The following SEMA6D variants were observed in gnomAD, a reference collection of about 807,000 sequenced individuals.
The protein encoded by SEMA6D is semaphorin-6D.
In SEMA6D, 35 loss-of-function variants were observed where a neutral mutation model predicts 106.6. That is an observed-to-expected ratio of 0.33 (90% CI 0.25 to 0.44). The LOEUF (loss-of-function observed/expected upper bound fraction) is 0.44. Among genes scored for constraint, SEMA6D ranks in the 20% least tolerant of loss-of-function variants. SEMA6D has a pLI of 1.00. For synonymous variants in SEMA6D, 499 were observed against 487.7 expected, an observed-to-expected ratio of 1.02 and a Z score of -0.31; for missense variants, 1,185 against 1,345.9, an observed-to-expected ratio of 0.88 and a Z score of 1.87.
At chr15:47,749,409 G>A (rs2081313086) in intron 1 of SEMA6D, among the ~76,000 whole-genome samples, 1 of 152,000 alleles carries the variant, frequency 6.6e-6, no homozygotes. Flanking sequence ...CAGGCGCAAG[G>A]GGTTTGGCTA....
intron 2 of SEMA6D, among the ~76,000 whole-genome samples, chr15:47,419,992 G>C (rs2041100182): frequency 6.6e-6 from 1 of 152,132 alleles, no homozygotes; most frequent in Non-Finnish European, 1.5e-5. Flanking sequence ...AGGGAAGAGA[G>C]TTATATGCAA....
chr15:47,228,614 A>G (rs1184330033), intron 1 of SEMA6D, among the ~76,000 whole-genome samples: 4 of 152,094 alleles, frequency 2.6e-5, no homozygotes, highest in Non-Finnish European at 5.9e-5. Flanking sequence ...TAGGGCTTTG[A>G]CATATTTGAG....
chr15:47,744,411 G>A (rs1350342752), intron 1 of SEMA6D, among the ~76,000 whole-genome samples: 1 of 152,118 alleles, frequency 6.6e-6, no homozygotes, highest in Admixed American at 6.5e-5. Context: ...CAGAGGTCCT[G>A]AGTGTATGTG....
rs576479149 is a variant in SEMA6D at position 47,460,257 on chromosome 15, C to G, written c.-158-10217C>G. ...GAGCTCAGTAAGAAGGAGTCAGTCT[C>G]ATTACTGCTTATCAGAAATTACTTT... On this transcript the variant is annotated intron_variant, in intron 2 of 19. Coordinates refer to the SEMA6D transcript ENST00000558014. Among the ~76,000 whole-genome samples, 84 of 152,182 alleles carry G rather than the reference C, an allele frequency of 5.5e-4. 1 individual carries two copies. The highest frequency in any genetic ancestry group is 2.2e-3 in the Admixed American group (34 of 15,276).
rs192449040 is a variant in SEMA6D, at chr15:47,735,626, T to G, written c.-55+17934T>G. Among the ~76,000 whole-genome samples the G allele has an allele frequency of 3.9e-5, 6 of 152,348 alleles. No individual in the cohort carries two copies. In the East Asian group the frequency reaches 1.2e-3, roughly 29 times the overall value. ...CATCATTTTTAGATACATCTTCAGTTCTGCTTGAAGCTGTCATTTACTTGA... is the reference window on the plus strand; with the variant it reads ...CATCATTTTTAGATACATCTTCAGTGCTGCTTGAAGCTGTCATTTACTTGA... On this transcript the variant is annotated intron_variant, in intron 1 of 18. Coordinates refer to ENST00000536845, the MANE Select transcript of SEMA6D (RefSeq NM_001358351.3).
chr15:47,298,362 A>G (rs1221966234), intron 1 of SEMA6D, among the ~76,000 whole-genome samples: 1 of 151,732 alleles, frequency 6.6e-6, no homozygotes, highest in Non-Finnish European at 1.5e-5. Flanking sequence ...CATTGAGCAT[A>G]CACACCTATA....
chr15:47,608,730 C>G (rs545615243), intron 4 of SEMA6D, among the ~76,000 whole-genome samples: 1 of 152,098 alleles, frequency 6.6e-6, no homozygotes, highest in Non-Finnish European at 1.5e-5. Flanking sequence ...AACAATAATT[C>G]AATCTCCTTC....
At chr15:47,496,785 G>GTC (rs2043677133) in intron 3 of SEMA6D, among the ~76,000 whole-genome samples, 1 of 152,090 alleles carries the variant, frequency 6.6e-6, no homozygotes, top group African/African-American at 2.4e-5. Flanking sequence ...ATTCAAGGAT[G>GTC]TCTCACCTAC....
At chr15:47,209,225 A>G (rs1895318917) in intron 1 of SEMA6D, among the ~76,000 whole-genome samples, 1 of 152,232 alleles carries the variant, frequency 6.6e-6, no homozygotes, top group African/African-American at 2.4e-5. Context: ...AGATTGAGAC[A>G]TGCCATGTTA....
At chr15:47,640,927 A>G (rs10152343) in intron 4 of SEMA6D, among the ~76,000 whole-genome samples, 2,973 of 152,132 alleles carry the variant, frequency 0.02, 97 homozygotes, top group African/African-American at 0.068. Context: ...TACACAGCCT[A>G]TTATATTCAA....
intron 4 of SEMA6D, among the ~76,000 whole-genome samples, chr15:47,638,832 C>A (rs2077437999): frequency 6.6e-6 from 1 of 152,202 alleles, no homozygotes; most frequent in Non-Finnish European, 1.5e-5. Flanking sequence ...AAATGTTCTG[C>A]CAGCAGATGG....
chr15:47,238,975 A>G (rs954177793), intron 1 of SEMA6D, among the ~76,000 whole-genome samples: 3 of 152,198 alleles, frequency 2.0e-5, no homozygotes, highest in Non-Finnish European at 4.4e-5. Flanking sequence ...GCCACAGGCC[A>G]TGGGCTGTTA....
chr15:47,285,585 T>A (rs1434351530), intron 1 of SEMA6D, among the ~76,000 whole-genome samples: 1 of 152,208 alleles, frequency 6.6e-6, no homozygotes, highest in East Asian at 1.9e-4. Flanking sequence ...CTGCATCCAG[T>A]CTGCTATTGC....
intron 1 of SEMA6D, among the ~76,000 whole-genome samples, chr15:47,308,703 T>A (rs1365272725): frequency 6.6e-6 from 1 of 152,168 alleles, no homozygotes; most frequent in Non-Finnish European, 1.5e-5. Flanking sequence ...ACTATAATGA[T>A]CACTGACAGA....
intron 4 of SEMA6D, among the ~76,000 whole-genome samples, chr15:47,689,739 T>C (rs2078545067): frequency 6.6e-6 from 1 of 152,226 alleles, no homozygotes; most frequent in East Asian, 1.9e-4. Context: ...CACTGAGAGA[T>C]GAGGACTTCC....
chr15:47,442,634 A>C (rs1485205316), intron 2 of SEMA6D, among the ~76,000 whole-genome samples: 2 of 152,022 alleles, frequency 1.3e-5, no homozygotes, highest in Non-Finnish European at 2.9e-5. Flanking sequence ...TATTATGTTG[A>C]CATTGTTTGG....
At chr15:47,578,152 T>C (rs950694965) in intron 3 of SEMA6D, among the ~76,000 whole-genome samples, 3 of 152,200 alleles carry the variant, frequency 2.0e-5, no homozygotes, top group African/African-American at 7.2e-5. Flanking sequence ...TAGTATATAG[T>C]GGAACAGGGA....
chr15:47,255,327 CTCTCTTTT>C (rs2141997149), intron 1 of SEMA6D, among the ~76,000 whole-genome samples: 1 of 151,966 alleles, frequency 6.6e-6, no homozygotes, highest in African/African-American at 2.4e-5. Context: ...TTTGAGTCTT[CTCTCTTTT>C]TTTCTTAGTG....
intron 1 of SEMA6D, among the ~76,000 whole-genome samples, chr15:47,405,088 C>A (rs2040518132): frequency 6.6e-6 from 1 of 152,002 alleles, no homozygotes. Context: ...AGTGCAAAGG[C>A]AGGGCATATT....
Sources: gnomAD v4.1 joint callset for allele counts (sites outside exome capture counted in the v4.1 genomes callset) on GRCh38, gnomAD v4.1.1 for gene constraint, MANE v1.5 for transcripts, NCBI Gene and HGNC (gene_info 2026-07-23, HGNC 2026-07-21) for gene names.